SLC6A2: variants seen among roughly 807,000 people sequenced by gnomAD.
SLC6A2 encodes the protein sodium-dependent noradrenaline transporter.
A neutral mutation model predicts 71.7 loss-of-function variants in SLC6A2; 26 were observed. The ratio of observed to expected loss-of-function variants is 0.36; its 90% CI spans 0.27 to 0.50. The LOEUF (loss-of-function observed/expected upper bound fraction) is 0.50, where lower values mean the gene tolerates loss of function less well. Ranked by LOEUF, SLC6A2 falls within the 20% of genes least tolerant of loss-of-function variation. The pLI is 0.96. For synonymous variants in SLC6A2, 363 were observed against 337.9 expected (o/e 1.07, Z -0.82); for missense variants, 581 against 803.9 (o/e 0.72, Z 3.35).
At chr16:55,678,429 G>A (rs1163285023) in intron 4 of SLC6A2, among the ~76,000 whole-genome samples, 8 of 152,098 alleles carry the variant, frequency 5.3e-5, no homozygotes, top group Non-Finnish European at 1.0e-4. Flanking sequence ...TGAGGAAATA[G>A]AAAATTTTTT....
Position 55,705,982 on chromosome 16 carries a change from G to T in SLC6A2, c.*3636G>T, listed in dbSNP as rs1406964569. ...TGGTCTTAGAAGCCACTGAAACATT[G>T]GTGAATGTGAAGTCACTTTTGGGGT... On this transcript the variant is annotated 3_prime_UTR_variant, in exon 15 of 15. Coordinates refer to ENST00000568943, the MANE Select transcript of SLC6A2 (RefSeq NM_001172501.3). 1 of 152,346 alleles carries T rather than the reference G, an allele frequency of 6.6e-6. No homozygotes were observed. Among genetic ancestry groups the T allele is most frequent in the Admixed American group, 6.5e-5 (1 of 15,296 alleles). 9.4% of individuals were successfully genotyped at this position (152,346 alleles called of 1,614,324 possible).
chr16:55,696,428 A>C, intron 9 of SLC6A2, 91 bp downstream of exon 9: 1 of 807,598 alleles, frequency 1.2e-6, no homozygotes, highest in Non-Finnish European at 2.2e-6. Context: ...AGTTCCCACT[A>C]TTCAAACACC....
At chr16:55,658,049 C>T (rs1198381483) in intron 2 of SLC6A2, among the ~76,000 whole-genome samples, 9 of 152,066 alleles carry the variant, frequency 5.9e-5, no homozygotes, top group Admixed American at 4.6e-4. Flanking sequence ...CATTGCTTGG[C>T]GGTAGCTGTG....
At position 55,704,839 on chromosome 16, in the gene SLC6A2, G is replaced by GA. The variant is rs1294172737; in HGVS notation, c.*2495dup. Reference sequence around the variant, plus strand: ...TGCCTTGCGGCGGAAGTTGGCTCCTGAATCTGGGATGGGAACCTGGCTCCA... The same window carrying GA: ...TGCCTTGCGGCGGAAGTTGGCTCCTGAAATCTGGGATGGGAACCTGGCTCCA... On this transcript the variant is annotated 3_prime_UTR_variant, in exon 15 of 15. Transcript: ENST00000568943. 1 of 168,892 alleles carries GA rather than the reference G, an allele frequency of 5.9e-6. No homozygotes were observed. Among genetic ancestry groups the GA allele is most frequent in the Non-Finnish European group, 1.3e-5 (1 of 79,468 alleles). 10.5% of individuals were successfully genotyped at this position (168,892 alleles called of 1,614,324 possible).
At chr16:55,698,917 T>TATA (rs1248471479) in intron 11 of SLC6A2, among the ~76,000 whole-genome samples, 1 of 152,244 alleles carries the variant, frequency 6.6e-6, no homozygotes, top group Non-Finnish European at 1.5e-5. Flanking sequence ...AATTATTTAG[T>TATA]ATAAGTATAG....
rs1966071623 is a variant in SLC6A2, at chr16:55,704,946, T to G, written c.*2600T>G. 3.3e-6 allele frequency: 1 copy of G among 307,134 alleles called. No homozygotes were observed. Among genetic ancestry groups the G allele is most frequent in the Non-Finnish European group, 5.9e-6 (1 of 168,610 alleles). The allele number at this position is 307,134 out of a possible 1,614,324, so 19.0% of individuals were successfully genotyped here. On this transcript the variant is annotated 3_prime_UTR_variant, in exon 15 of 15. Coordinates refer to ENST00000568943, the MANE Select transcript of SLC6A2 (RefSeq NM_001172501.3). ...GAGGTGCTTGGAGATCATTTGGGTT[T>G]ACCTTTCCACCCACATTTAATGGAG... is the stretch of plus-strand genomic sequence containing the variant.
intron 7 of SLC6A2, 51 bp downstream of exon 7, chr16:55,694,164 CTT>C (rs1965723134): frequency 7.6e-7 from 1 of 1,313,712 alleles, no homozygotes; most frequent in Non-Finnish European, 1.1e-6. Flanking sequence ...GGGATTGACT[CTT>C]GTTGGGTGGC....
intron 8 of SLC6A2, among the ~76,000 whole-genome samples, chr16:55,695,666 G>A (rs1597009505): frequency 6.6e-6 from 1 of 152,176 alleles, no homozygotes; most frequent in South Asian, 2.1e-4. Flanking sequence ...ACCAGCCCTG[G>A]GCTAAGCACT....
chr16:55,691,873 T>A (rs1414616843), intron 5 of SLC6A2, 45 bp from the exon 6 acceptor site: 1 of 1,611,670 alleles, frequency 6.2e-7, no homozygotes, highest in African/African-American at 1.3e-5. Flanking sequence ...CGCCACGGGA[T>A]TGGGGCCAGA....
At position 55,702,952 on chromosome 16, in the gene SLC6A2, T is replaced by C. The variant is rs111663130; in HGVS notation, c.*606T>C. 23,616 of 988,382 alleles carry C rather than the reference T, an allele frequency of 0.024. 302 individuals carry two copies. Among genetic ancestry groups the C allele is most frequent in the Non-Finnish European group, 0.026 (21,791 of 831,824 alleles). 61.2% of individuals were successfully genotyped at this position (988,382 alleles called of 1,614,324 possible). A position where few individuals can be genotyped will look rare whatever the true frequency, so the allele number is the denominator to read the frequency against. Reference sequence around the variant, plus strand: ...CTTTGAGGGATTTTGAGTAGAAACATTCATAGTTAATTTTCACTCTGGCCA... The same window carrying C: ...CTTTGAGGGATTTTGAGTAGAAACACTCATAGTTAATTTTCACTCTGGCCA... On this transcript the variant is annotated 3_prime_UTR_variant, in exon 15 of 15. Transcript: ENST00000568943.
At position 55,662,773 on chromosome 16, in the gene SLC6A2, G is replaced by A. The variant is rs1397442218; in HGVS notation, c.274+5805G>A. ...TTCCACCCCCATTTTTCTACTTAGA[G>A]CAGCTGGGTTTAATCCATCAGGGGA... On this transcript the variant is annotated intron_variant, in intron 2 of 14. Coordinates refer to ENST00000568943, the MANE Select transcript of SLC6A2 (RefSeq NM_001172501.3). Among the ~76,000 whole-genome samples, 8 of 152,322 alleles carry A rather than the reference G, an allele frequency of 5.3e-5. No individual in the cohort carries two copies. The East Asian group carries it at 7.7e-4, about 15-fold the overall frequency.
At chr16:55,691,098 A>AG (rs1378090539) in intron 5 of SLC6A2, among the ~76,000 whole-genome samples, 1 of 150,166 alleles carries the variant, frequency 6.7e-6, no homozygotes, top group South Asian at 2.2e-4. Context: ...ATATGCTTAA[A>AG]GGGGGGTAAA....
At position 55,703,715 on chromosome 16, in the gene SLC6A2, C is replaced by G. The variant is rs1227940554; in HGVS notation, c.*1369C>G. The G allele has an allele frequency of 5.1e-6, 5 of 985,132 alleles. No homozygotes were observed. The African/African-American group carries it at 8.7e-5, about 17-fold the overall frequency. 61.0% of individuals were successfully genotyped at this position (985,132 alleles called of 1,614,324 possible). ...CTCTTACACCCTTGTTGGAGGGATT[C>G]TTATTCTGACTGTGGGAGCTCCTGT... On this transcript the variant is annotated 3_prime_UTR_variant, in exon 15 of 15. Coordinates refer to ENST00000568943, the MANE Select transcript of SLC6A2 (RefSeq NM_001172501.3).
chr16:55,697,365 A>G (rs1380199654), intron 9 of SLC6A2, among the ~76,000 whole-genome samples: 1 of 152,166 alleles, frequency 6.6e-6, no homozygotes, highest in Non-Finnish European at 1.5e-5. Flanking sequence ...TAAGGAAGCA[A>G]TCTGCCCATA....
chr16:55,663,000 A>G (rs1361751886), intron 2 of SLC6A2, among the ~76,000 whole-genome samples: 1 of 152,148 alleles, frequency 6.6e-6, no homozygotes, highest in African/African-American at 2.4e-5. Context: ...ATCAGATCCC[A>G]CAGGTTGAGG....
At chr16:55,698,827 A>T (rs1965881234) in intron 11 of SLC6A2, among the ~76,000 whole-genome samples, 1 of 152,208 alleles carries the variant, frequency 6.6e-6, no homozygotes, top group African/African-American at 2.4e-5. Flanking sequence ...CATATAATTC[A>T]TCCTACCAGG....
chr16:55,703,517 G>T lies in SLC6A2; in HGVS notation c.*1171G>T. ...GAGGGGAGAATTTTGAGAGTGGATG[G>T]AACAGTTTGGTGGTTTCAGAGAATT... On this transcript the variant is annotated 3_prime_UTR_variant, in exon 15 of 15. Transcript: ENST00000568943. 1 of 985,474 alleles carries T rather than the reference G, an allele frequency of 1.0e-6. No individual in the cohort carries two copies. The allele number at this position is 985,474 out of a possible 1,614,324, so 61.0% of individuals were successfully genotyped here.
At chr16:55,659,379 G>A (rs1964549043) in intron 2 of SLC6A2, among the ~76,000 whole-genome samples, 1 of 152,158 alleles carries the variant, frequency 6.6e-6, no homozygotes, top group Non-Finnish European at 1.5e-5. Flanking sequence ...CCTGTTGTAT[G>A]CAGTGTACTA....
intron 12 of SLC6A2, among the ~76,000 whole-genome samples, 199 bp downstream of exon 12, chr16:55,699,853 G>A (rs181456053): frequency 3.1e-4 from 47 of 152,222 alleles, no homozygotes; most frequent in Non-Finnish European, 4.4e-4. Context: ...TCCAGCTGGG[G>A]CCAGGTCCCC....
Sources: gnomAD v4.1 joint callset for allele counts (sites outside exome capture counted in the v4.1 genomes callset) on GRCh38, gnomAD v4.1.1 for gene constraint, MANE v1.5 for transcripts, NCBI Gene and HGNC (gene_info 2026-07-23, HGNC 2026-07-21) for gene names.